The following STK3 variants were observed in gnomAD, a reference collection of about 807,000 sequenced individuals.
STK3 encodes the protein serine/threonine kinase 3.
STK3 carries 41 observed loss-of-function variants against 58.0 expected under a neutral mutation model. That is an observed-to-expected ratio of 0.71 (90% CI 0.55 to 0.92). The LOEUF is 0.92. Among genes scored for constraint, STK3 ranks in the 40% least tolerant of loss-of-function variants. The pLI is 0.00. For synonymous variants in STK3, 170 were observed against 191.0 expected (o/e 0.89, Z 0.91); for missense variants, 479 against 602.7 (o/e 0.79, Z 2.15).
intron 1 of STK3, among the ~76,000 whole-genome samples, chr8:98,807,014 C>T (rs1231828069): frequency 2.6e-5 from 4 of 151,856 alleles, no homozygotes; most frequent in Admixed American, 6.6e-5. Flanking sequence ...TTTAGCCAGG[C>T]GTGGTGGCGG....
At chr8:98,467,222 G>A (rs1820538960) in intron 10 of STK3, among the ~76,000 whole-genome samples, 1 of 152,094 alleles carries the variant, frequency 6.6e-6, no homozygotes. Flanking sequence ...TTTAGGTAAG[G>A]AGAGAACTAT....
intron 3 of STK3, among the ~76,000 whole-genome samples, chr8:98,756,097 C>T (rs1222306812): frequency 6.6e-6 from 1 of 151,494 alleles, no homozygotes; most frequent in Non-Finnish European, 1.5e-5. Context: ...GAGACGAGAT[C>T]GTGCCACTGC....
downstream of STK3, chr8:98,880,630 A>ATATCAG: frequency 6.6e-6 from 1 of 152,350 alleles, no homozygotes; most frequent in South Asian, 2.1e-4. Flanking sequence ...ACTGGGAGAA[A>ATATCAG]ATATTTGCAT....
intron 10 of STK3, among the ~76,000 whole-genome samples, chr8:98,522,316 G>A (rs1168553082): frequency 3.3e-5 from 5 of 152,084 alleles, no homozygotes; most frequent in African/African-American, 4.8e-5. Flanking sequence ...TCTAATTTCT[G>A]TTGAATTTTA....
chr8:98,812,854 G>C (rs1314459092), intron 1 of STK3, among the ~76,000 whole-genome samples: 1 of 152,148 alleles, frequency 6.6e-6, no homozygotes, highest in African/African-American at 2.4e-5. Context: ...CTTGGACACT[G>C]GGTGGGGAAC....
At chr8:98,489,128 G>T (rs973727550) in intron 10 of STK3, among the ~76,000 whole-genome samples, 9 of 151,946 alleles carry the variant, frequency 5.9e-5, no homozygotes, top group African/African-American at 2.2e-4. Flanking sequence ...TGTCAAAAAG[G>T]CCCTAAAAAC....
chr8:98,843,019 A>G (rs1377641662), intron 3 of STK3, among the ~76,000 whole-genome samples: 7 of 151,530 alleles, frequency 4.6e-5, no homozygotes, highest in East Asian at 1.9e-4. Flanking sequence ...CTCCCTAAAA[A>G]TAAATAAATA....
rs543155343 is a variant in STK3 at position 98,665,983 on chromosome 8, G to A, written c.684+40484C>T. Among the ~76,000 whole-genome samples, 19 of 152,180 alleles carry A rather than the reference G, an allele frequency of 1.2e-4. No homozygotes were observed. The South Asian group carries it at 2.9e-3, about 23-fold the overall frequency. ...CTGCCAAAGTGCTGGGATTACAGGC[G>A]TGAGCCACCGCACCTGGCCCCATCC... On this transcript the variant is annotated intron_variant, in intron 6 of 10. Coordinates refer to ENST00000419617, the MANE Select transcript of STK3 (RefSeq NM_006281.4).
At chr8:98,796,397 C>A (rs1833166559) in intron 1 of STK3, among the ~76,000 whole-genome samples, 1 of 152,142 alleles carries the variant, frequency 6.6e-6, no homozygotes, top group African/African-American at 2.4e-5. Flanking sequence ...GGAAAGGACT[C>A]CTTAATTCAA....
intron 8 of STK3, among the ~76,000 whole-genome samples, chr8:98,579,442 G>A (rs1329285995): frequency 6.6e-6 from 1 of 152,080 alleles, no homozygotes; most frequent in East Asian, 1.9e-4. Context: ...TAGGTACTGT[G>A]GAAGTTCATC....
intron 3 of STK3, among the ~76,000 whole-genome samples, chr8:98,411,805 G>A (rs551432369): frequency 6.6e-6 from 1 of 152,298 alleles, no homozygotes; most frequent in South Asian, 2.1e-4. Context: ...TCCCAGGCTG[G>A]ATCTGAAGTG....
In STK3 at chr8:98,498,149, A is replaced by T. The variant is rs191718606; in HGVS notation, c.1317+28593T>A. Among the ~76,000 whole-genome samples, 673 of 151,048 alleles carry T rather than the reference A, an allele frequency of 4.5e-3. 2 individuals carry two copies. The highest frequency in any genetic ancestry group is 6.5e-3 in the Non-Finnish European group (439 of 67,692). ...GGGTTGTTTCTACCTTTTTTTTTTT[A>T]AAAGCTATTATGAATAATGCTGCAA... On this transcript the variant is annotated intron_variant, in intron 10 of 10. Transcript: ENST00000419617.
chr8:98,506,851 T>A (rs1824124111), intron 10 of STK3, among the ~76,000 whole-genome samples: 1 of 152,220 alleles, frequency 6.6e-6, no homozygotes, highest in South Asian at 2.1e-4. Context: ...TTTAGCCTCA[T>A]AACACTTAGT....
chr8:98,660,368 C>T (rs1215322414), intron 6 of STK3, among the ~76,000 whole-genome samples: 2 of 151,960 alleles, frequency 1.3e-5, no homozygotes, highest in Non-Finnish European at 2.9e-5. Context: ...ATACATTTAA[C>T]GCTACTGAAC....
intron 1 of STK3, among the ~76,000 whole-genome samples, chr8:98,893,478 GAAAGAAAGAGAAAGAA>G (rs1301594986): frequency 0.015 from 948 of 64,820 alleles, 13 homozygotes; most frequent in South Asian, 0.022. Context: ...AAGAAAGAAA[GAAAGAAAGAGAAAGAA>G]AGAAAGAAAG....
At chr8:98,760,579 C>G (rs1193104273) in intron 3 of STK3, among the ~76,000 whole-genome samples, 1 of 152,194 alleles carries the variant, frequency 6.6e-6, no homozygotes, top group Non-Finnish European at 1.5e-5. Flanking sequence ...AACTAGCATG[C>G]CAATCATGAG....
intron 3 of STK3, among the ~76,000 whole-genome samples, chr8:98,754,353 G>C (rs577718110): frequency 2.0e-5 from 3 of 152,034 alleles, no homozygotes; most frequent in Non-Finnish European, 4.4e-5. Context: ...CTGTGCATGA[G>C]AGCCACCTGT....
chr8:98,676,753 T>C (rs1823243649), intron 6 of STK3, among the ~76,000 whole-genome samples: 1 of 152,190 alleles, frequency 6.6e-6, no homozygotes, highest in African/African-American at 2.4e-5. Context: ...CATCTCTGAA[T>C]TGTACACTTA....
At chr8:98,750,663 T>C (rs1258747249) in intron 3 of STK3, among the ~76,000 whole-genome samples, 8 of 151,614 alleles carry the variant, frequency 5.3e-5, no homozygotes, top group Non-Finnish European at 1.0e-4. Flanking sequence ...GGCCAAATTC[T>C]AGCAGATGTA....
Sources: allele counts gnomAD v4.1 joint callset (sites outside exome capture counted in the v4.1 genomes callset), GRCh38; gene constraint gnomAD v4.1.1; transcripts MANE v1.5; gene names NCBI Gene and HGNC (gene_info 2026-07-23, HGNC 2026-07-21).